Variants in ATP8B1 observed in about 807,000 individuals in gnomAD.
ATP8B1 encodes the protein phospholipid-transporting ATPase IC.
ATP8B1 carries 80 observed loss-of-function variants against 149.9 expected under a neutral mutation model. That is an observed-to-expected ratio of 0.53 (90% CI 0.45 to 0.64). ATP8B1 has a LOEUF of 0.64. Ranked by LOEUF, ATP8B1 falls within the 30% of genes least tolerant of loss-of-function variation. ATP8B1 has a pLI of 0.00. For missense variants in ATP8B1, 1,247 were observed against 1,552.6 expected (o/e 0.80, Z 3.31); for synonymous variants, 536 against 562.8 (o/e 0.95, Z 0.67).
intron 1 of ATP8B1, among the ~76,000 whole-genome samples, chr18:57,788,998 CT>C (rs1448490862): frequency 6.6e-6 from 1 of 152,088 alleles, no homozygotes; most frequent in Non-Finnish European, 1.5e-5. Context: ...CCAGGAGTTT[CT>C]ATAAGGAGCT....
intron 19 of ATP8B1, chr18:57,667,572 A>C (rs1910953090): frequency 9.7e-6 from 2 of 206,866 alleles, no homozygotes; most frequent in South Asian, 1.5e-4. Flanking sequence ...CAGAAGAAAA[A>C]TCCTTTTCTC....
At chr18:57,749,212 A>G (rs886382859) in intron 1 of ATP8B1, among the ~76,000 whole-genome samples, 4 of 152,216 alleles carry the variant, frequency 2.6e-5, no homozygotes, top group East Asian at 1.9e-4. Flanking sequence ...GCACATGGTG[A>G]TGAGGGCTTG....
chr18:57,688,359 C>T lies in ATP8B1; in HGVS notation c.1369G>A (p.Gly457Arg). The T allele has an allele frequency of 6.2e-7, 1 of 1,614,096 alleles. No individual in the cohort carries two copies. Among genetic ancestry groups the T allele is most frequent in the Non-Finnish European group, 8.5e-7 (1 of 1,180,026 alleles). Residue 457 changes from glycine (G) to arginine (R), a missense_variant, in exon 13 of 28, where the codon GGG becomes AGG. Physicochemically the swap from Gly to Arg is moderately radical, Grantham distance 125. This residue lies in a region of ATP8B1 where 853 missense variants were observed against 1,035.7 expected (regional missense o/e 0.82). Transcript: ENST00000648908. ...QIHYIFSDKT[G>R]TLTQNIMTFK... is the part of the protein sequence containing the mutation. ...GTCATGATATTTTGTGTGAGTGTCC[C>T]CGTCTTATCAGAGAAGATATAATGG...
At chr18:57,722,099 T>C (rs1407137806) in intron 2 of ATP8B1, among the ~76,000 whole-genome samples, 2 of 139,762 alleles carry the variant, frequency 1.4e-5, no homozygotes, top group Admixed American at 7.1e-5. Flanking sequence ...TTCAAAGCAG[T>C]GTGTAGAGGG....
Position 57,802,291 on chromosome 18 carries a change from C to A in ATP8B1, c.-26+707G>T, listed in dbSNP as rs1360197084. Among the ~76,000 whole-genome samples the A allele has an allele frequency of 1.3e-5, 2 of 152,198 alleles. No individual in the cohort carries two copies. Among genetic ancestry groups the A allele is most frequent in the African/African-American group, 4.8e-5 (2 of 41,462 alleles). Reference sequence around the variant, plus strand: ...CGAGGTGACAGCGCAGGGCACCAAACTGCTGAGGGAAGGAGATGCCTGCAG... The same window carrying A: ...CGAGGTGACAGCGCAGGGCACCAAAATGCTGAGGGAAGGAGATGCCTGCAG... On this transcript the variant is annotated intron_variant, in intron 1 of 27. Transcript: ENST00000648908. The surrounding 1 kb of genome is among the most constrained non-coding windows in gnomAD (Gnocchi z 4.9).
chr18:57,745,376 A>G (rs537185512), intron 1 of ATP8B1, among the ~76,000 whole-genome samples: 14 of 152,086 alleles, frequency 9.2e-5, no homozygotes, highest in Non-Finnish European at 1.8e-4. Flanking sequence ...GGCTCAAGCA[A>G]TTCTCCTGCC....
intron 1 of ATP8B1, among the ~76,000 whole-genome samples, chr18:57,739,665 T>C (rs2079891091): frequency 6.6e-6 from 1 of 152,172 alleles, no homozygotes; most frequent in African/African-American, 2.4e-5. Context: ...TGGTAACAGA[T>C]TCACAAAGTC....
At chr18:57,672,534 A>G (rs1300803659) in intron 16 of ATP8B1, among the ~76,000 whole-genome samples, 3 of 152,164 alleles carry the variant, frequency 2.0e-5, no homozygotes, top group Non-Finnish European at 4.4e-5. Context: ...TAACCAAGTG[A>G]TCAAAGTTAA....
At chr18:57,757,506 TAC>T (rs1392321796) in intron 1 of ATP8B1, among the ~76,000 whole-genome samples, 2 of 150,556 alleles carry the variant, frequency 1.3e-5, no homozygotes, top group East Asian at 1.9e-4. Context: ...AAAAAATGTA[TAC>T]ACACACACAC....
At chr18:57,780,107 C>T (rs1228459316) in intron 1 of ATP8B1, among the ~76,000 whole-genome samples, 6 of 152,070 alleles carry the variant, frequency 3.9e-5, no homozygotes, top group Non-Finnish European at 8.8e-5. Flanking sequence ...TCAAATTTCA[C>T]AAATTTGTCT....
At chr18:57,713,196 TTTCCTTCC>T (rs71171072) in intron 2 of ATP8B1, among the ~76,000 whole-genome samples, 1,386 of 89,584 alleles carry the variant, frequency 0.015, 42 homozygotes, top group African/African-American at 0.024. Context: ...TCTTTCTTTC[TTTCCTTCC>T]TTCCTTCCTT....
Position 57,654,089 on chromosome 18 carries a change from A to G in ATP8B1, c.2932-14T>C, listed in dbSNP as rs372066833. On this transcript the variant is annotated splice_polypyrimidine_tract_variant and intron_variant, in intron 23 of 27. Coordinates refer to ENST00000648908, the MANE Select transcript of ATP8B1 (RefSeq NM_001374385.1). ...CTCGTATGCAGTCTGTGAGGGGATGACAGAGGCTCCATGTCACCAACAAAG... is the reference window on the plus strand; with the variant it reads ...CTCGTATGCAGTCTGTGAGGGGATGGCAGAGGCTCCATGTCACCAACAAAG... The G allele has an allele frequency of 6.2e-7, 1 of 1,606,924 alleles. No individual in the cohort carries two copies.
At chr18:57,662,764 A>T (rs1184561520) in intron 20 of ATP8B1, 149 bp from the exon 21 acceptor site, 2 of 935,946 alleles carry the variant, frequency 2.1e-6, no homozygotes, top group Non-Finnish European at 3.1e-6. Flanking sequence ...TTTCATTATA[A>T]TTTTTTTGAG....
chr18:57,766,296 G>A (rs1371541802), intron 1 of ATP8B1, among the ~76,000 whole-genome samples: 4 of 151,926 alleles, frequency 2.6e-5, no homozygotes, highest in African/African-American at 7.2e-5. Flanking sequence ...CCACAGGCAG[G>A]AGCCACCGAG....
At chr18:57,770,187 G>A (rs1200849081) in intron 1 of ATP8B1, among the ~76,000 whole-genome samples, 2 of 151,456 alleles carry the variant, frequency 1.3e-5, no homozygotes, top group African/African-American at 4.9e-5. Flanking sequence ...TCCTGCCTCA[G>A]CCTCCTGAGT....
intron 4 of ATP8B1, among the ~76,000 whole-genome samples, chr18:57,704,156 C>T (rs1362048855): frequency 4.6e-5 from 7 of 151,954 alleles, no homozygotes; most frequent in Non-Finnish European, 1.0e-4. Flanking sequence ...TTAGTAGAAA[C>T]GGGGTTTAAC....
intron 20 of ATP8B1, among the ~76,000 whole-genome samples, chr18:57,662,894 T>C (rs1910567944): frequency 1.3e-5 from 2 of 152,138 alleles, no homozygotes; most frequent in Admixed American, 6.6e-5. Flanking sequence ...GCTGGGACTA[T>C]AGGCACACGC....
Position 57,732,258 on chromosome 18 carries a change from T to C in ATP8B1, c.-25-426A>G, listed in dbSNP as rs1340242266. ...GTGTATATATATGTATATATGTATA[T>C]ATGTGTATATATGTATATATGTGTA... On this transcript the variant is annotated intron_variant, in intron 1 of 27. Transcript: ENST00000648908. 9.0e-5 allele frequency among the ~76,000 whole-genome samples: 9 copies of C among 99,938 alleles called. No homozygotes were observed. The East Asian group carries it at 2.7e-3, about 30-fold the overall frequency. The allele number at this position is 99,938 out of a possible 152,430, so 65.6% of individuals were successfully genotyped here.
At chr18:57,677,372 C>T (rs1295461007) in intron 15 of ATP8B1, among the ~76,000 whole-genome samples, 2 of 152,170 alleles carry the variant, frequency 1.3e-5, no homozygotes, top group Non-Finnish European at 1.5e-5. Flanking sequence ...TATTTTTCTA[C>T]TCTAGTTATT....
Sources: allele counts gnomAD v4.1 joint callset (sites outside exome capture counted in the v4.1 genomes callset), GRCh38; gene constraint gnomAD v4.1.1; regional missense constraint gnomAD v4.1.1; non-coding constraint Gnocchi (gnomAD v3.1); transcripts MANE v1.5; gene names NCBI Gene and HGNC (gene_info 2026-07-23, HGNC 2026-07-21).